CACNG3: variants seen among roughly 807,000 people sequenced by gnomAD.
The protein encoded by CACNG3 is voltage-dependent calcium channel gamma-3 subunit.
CACNG3 carries 3 observed loss-of-function variants against 28.5 expected under a neutral mutation model. That is an observed-to-expected ratio of 0.11 (90% CI 0.05 to 0.27). The LOEUF is 0.27. Ranked by LOEUF, CACNG3 falls within the 10% of genes least tolerant of loss-of-function variation. The probability of loss-of-function intolerance (pLI) is 1.00; values close to 1 mark genes in which losing one functional copy is unlikely to be tolerated. For synonymous variants in CACNG3, 174 were observed against 162.2 expected (o/e 1.07, Z -0.55); for missense variants, 236 against 414.4 (o/e 0.57, Z 3.74).
intron 1 of CACNG3, among the ~76,000 whole-genome samples, chr16:24,311,774 T>G (rs1899267831): frequency 6.6e-6 from 1 of 152,078 alleles, no homozygotes; most frequent in South Asian, 2.1e-4. Context: ...GAGAATCACT[T>G]GAACCTGGGA....
At chr16:24,333,173 G>T (rs1391535803) in intron 1 of CACNG3, among the ~76,000 whole-genome samples, 1 of 151,902 alleles carries the variant, frequency 6.6e-6, no homozygotes, top group Non-Finnish European at 1.5e-5. Flanking sequence ...GGACTACCAC[G>T]CAATTTTATC....
intron 1 of CACNG3, among the ~76,000 whole-genome samples, chr16:24,322,291 C>T (rs776102054): frequency 2.0e-5 from 3 of 152,114 alleles, no homozygotes; most frequent in Admixed American, 6.5e-5. Context: ...GGGAGAACAC[C>T]GCCCAGCCAG....
intron 1 of CACNG3, among the ~76,000 whole-genome samples, chr16:24,294,068 C>T (rs1898999088): frequency 6.6e-6 from 1 of 152,172 alleles, no homozygotes. Context: ...CTGAGAAAAT[C>T]TGCTGCTTCT....
At chr16:24,258,719 G>A (rs1051156259) in intron 1 of CACNG3, among the ~76,000 whole-genome samples, 12 of 152,106 alleles carry the variant, frequency 7.9e-5, no homozygotes, top group Admixed American at 2.0e-4. Flanking sequence ...TGGATGTTGC[G>A]ATATCTACAT....
At chr16:24,342,432 T>C (rs1369930831) in intron 1 of CACNG3, among the ~76,000 whole-genome samples, 3 of 152,160 alleles carry the variant, frequency 2.0e-5, no homozygotes, top group Admixed American at 6.6e-5. Context: ...ATTATCTACT[T>C]TAGAAACACC....
chr16:24,265,495 G>A (rs897883340), intron 1 of CACNG3, among the ~76,000 whole-genome samples: 1 of 145,820 alleles, frequency 6.9e-6, no homozygotes, highest in Admixed American at 6.9e-5. Context: ...AGAGAAAGAA[G>A]GAAAGAAAAG....
chr16:24,267,036 G>A (rs1347389545), intron 1 of CACNG3, among the ~76,000 whole-genome samples: 2 of 148,838 alleles, frequency 1.3e-5, no homozygotes, highest in East Asian at 2.0e-4. Context: ...GCACGATCTC[G>A]GCTTAGTACA....
At chr16:24,346,154 G>A (rs777195447) in intron 1 of CACNG3, among the ~76,000 whole-genome samples, 2 of 152,182 alleles carry the variant, frequency 1.3e-5, no homozygotes, top group Non-Finnish European at 2.9e-5. Context: ...GTTTCATGGT[G>A]TTTTTGCGCT....
intron 1 of CACNG3, among the ~76,000 whole-genome samples, chr16:24,298,918 A>G (rs1260204058): frequency 6.6e-6 from 1 of 152,224 alleles, no homozygotes; most frequent in Non-Finnish European, 1.5e-5. Context: ...GAAGTCCACC[A>G]AGGTAAAATG....
At chr16:24,260,789 A>T (rs1898526408) in intron 1 of CACNG3, among the ~76,000 whole-genome samples, 1 of 152,168 alleles carries the variant, frequency 6.6e-6, no homozygotes, top group African/African-American at 2.4e-5. Flanking sequence ...CTGTGTAGAG[A>T]CACCCACACT....
At chr16:24,270,351 G>A (rs1399440438) in intron 1 of CACNG3, among the ~76,000 whole-genome samples, 2 of 152,120 alleles carry the variant, frequency 1.3e-5, no homozygotes, top group Admixed American at 6.6e-5. Flanking sequence ...TTAGCTTAAC[G>A]TGCCCTAAAA....
chr16:24,344,497 C>T (rs779511382), intron 1 of CACNG3, among the ~76,000 whole-genome samples: 1 of 152,024 alleles, frequency 6.6e-6, no homozygotes, highest in Non-Finnish European at 1.5e-5. Flanking sequence ...ATTTCTTATC[C>T]AGTCAACTGG....
intron 1 of CACNG3, among the ~76,000 whole-genome samples, chr16:24,305,144 C>T (rs557550341): frequency 1.3e-5 from 2 of 151,748 alleles, no homozygotes; most frequent in Admixed American, 6.6e-5. Flanking sequence ...GTTCATCAGC[C>T]GTGTGTGACA....
chr16:24,332,232 G>T (rs1008287636), intron 1 of CACNG3, among the ~76,000 whole-genome samples: 2 of 152,146 alleles, frequency 1.3e-5, no homozygotes, highest in Non-Finnish European at 2.9e-5. Flanking sequence ...GGAGGCTAAG[G>T]TGGCAGACCA....
At chr16:24,312,803 A>G (rs894461915) in intron 1 of CACNG3, among the ~76,000 whole-genome samples, 1 of 151,600 alleles carries the variant, frequency 6.6e-6, no homozygotes, top group African/African-American at 2.4e-5. Context: ...TGGACCACAG[A>G]GTGAGACCTT....
chr16:24,308,839 C>CAAAAAAAAAAAA (rs71154298), intron 1 of CACNG3, among the ~76,000 whole-genome samples: 513 of 26,978 alleles, frequency 0.019, 1 homozygote, highest in Middle Eastern at 0.091. Flanking sequence ...GAACCTACCT[C>CAAAAAAAAAAAA]AAAAAAAAAA....
At chr16:24,340,224 A>AC (rs1438195257) in intron 1 of CACNG3, among the ~76,000 whole-genome samples, 2 of 151,848 alleles carry the variant, frequency 1.3e-5, no homozygotes, top group African/African-American at 4.8e-5. Flanking sequence ...ACATGACGAG[A>AC]CCCCATCTCT....
intron 1 of CACNG3, among the ~76,000 whole-genome samples, chr16:24,340,870 C>A (rs922262673): frequency 6.6e-6 from 1 of 152,218 alleles, no homozygotes. Context: ...CCTCCCTCAC[C>A]TGTAACCACC....
chr16:24,312,878 A>G (rs1178652443), intron 1 of CACNG3, among the ~76,000 whole-genome samples: 1 of 150,558 alleles, frequency 6.6e-6, no homozygotes, highest in Non-Finnish European at 1.5e-5. Flanking sequence ...GGAAGGAAAG[A>G]AAAAAAAGAA....
Sources: gnomAD v4.1 joint callset for allele counts (sites outside exome capture counted in the v4.1 genomes callset) on GRCh38, gnomAD v4.1.1 for gene constraint, MANE v1.5 for transcripts, NCBI Gene and HGNC (gene_info 2026-07-23, HGNC 2026-07-21) for gene names.